The following TTC28 variants were observed in gnomAD, a reference collection of about 807,000 sequenced individuals.
TTC28 encodes tetratricopeptide repeat domain 28.
A neutral mutation model predicts 198.0 loss-of-function variants in TTC28; 61 were observed. The observed-to-expected ratio is 0.31, with a 90% confidence interval of 0.25 to 0.38. The LOEUF (loss-of-function observed/expected upper bound fraction) is 0.38, where lower values mean the gene tolerates loss of function less well. Ranked by LOEUF, TTC28 falls within the 10% of genes least tolerant of loss-of-function variation. TTC28 has a pLI of 1.00. For synonymous variants in TTC28, 1,171 were observed against 1,297.8 expected, an observed-to-expected ratio of 0.90 and a Z score of 2.10; for missense variants, 2,678 against 3,164.0, an observed-to-expected ratio of 0.85 and a Z score of 3.69.
chr22:28,073,411 T>C (rs1941060557), intron 12 of TTC28, among the ~76,000 whole-genome samples: 1 of 152,090 alleles, frequency 6.6e-6, no homozygotes, highest in African/African-American at 2.4e-5. Context: ...TGCCCATAGT[T>C]TTGGAGCAAA....
At chr22:28,208,411 T>C (rs1388310816) in intron 5 of TTC28, among the ~76,000 whole-genome samples, 1 of 152,054 alleles carries the variant, frequency 6.6e-6, no homozygotes, top group Admixed American at 6.6e-5. Context: ...ACAGGGTGGG[T>C]TGGTGAAAAC....
At chr22:28,198,459 T>G (rs1925587675) in intron 5 of TTC28, among the ~76,000 whole-genome samples, 1 of 152,106 alleles carries the variant, frequency 6.6e-6, no homozygotes, top group African/African-American at 2.4e-5. Context: ...TGTTAAATGC[T>G]CACTAATAGC....
intron 5 of TTC28, among the ~76,000 whole-genome samples, chr22:28,178,274 G>C (rs2147098391): frequency 6.9e-6 from 1 of 144,572 alleles, no homozygotes; most frequent in South Asian, 2.3e-4. Context: ...GCCTAACATG[G>C]TGAAACGCCG....
chr22:28,312,281 C>A (rs892823231), intron 2 of TTC28, among the ~76,000 whole-genome samples: 1 of 152,030 alleles, frequency 6.6e-6, no homozygotes, highest in African/African-American at 2.4e-5. Flanking sequence ...CTTTAACACC[C>A]CACTGTCAAT....
intron 6 of TTC28, among the ~76,000 whole-genome samples, chr22:28,157,567 G>C (rs1943776774): frequency 6.6e-6 from 1 of 152,064 alleles, no homozygotes; most frequent in Admixed American, 6.6e-5. Flanking sequence ...CAATATATTA[G>C]AAAGATTATT....
intron 12 of TTC28, among the ~76,000 whole-genome samples, chr22:28,037,348 T>C (rs1432764170): frequency 2.0e-5 from 3 of 152,134 alleles, no homozygotes; most frequent in African/African-American, 4.8e-5. Flanking sequence ...CCCTGGGATG[T>C]AAGGCTGGTT....
At chr22:28,606,867 G>C (rs2050744339) in intron 2 of TTC28, among the ~76,000 whole-genome samples, 1 of 152,114 alleles carries the variant, frequency 6.6e-6, no homozygotes, top group Admixed American at 6.5e-5. Context: ...ATGAAAAGAA[G>C]TGCCCATTGC....
chr22:28,445,271 T>C (rs1568948056), intron 2 of TTC28, among the ~76,000 whole-genome samples: 1 of 152,178 alleles, frequency 6.6e-6, no homozygotes. Flanking sequence ...GACTAAGTCC[T>C]TATGCTGGAG....
At chr22:28,083,275 G>C (rs1941434073) in intron 12 of TTC28, among the ~76,000 whole-genome samples, 1 of 152,038 alleles carries the variant, frequency 6.6e-6, no homozygotes, top group Non-Finnish European at 1.5e-5. Flanking sequence ...AGAGTAGAGA[G>C]ACAGAAATTA....
chr22:28,058,450 G>A (rs1474381002), intron 12 of TTC28, among the ~76,000 whole-genome samples: 6 of 152,016 alleles, frequency 3.9e-5, no homozygotes, highest in Non-Finnish European at 7.4e-5. Context: ...TATACTAACT[G>A]ATTTTTTTTA....
Position 28,014,324 on chromosome 22 carries a change from A to G in TTC28, c.4142T>C (p.Leu1381Pro), listed in dbSNP as rs1441236703. ...GGCAAACGAGCTCTGCCTCCTGGGA[A>G]GAGAGGAGGTCCCGTCCTGGGTCGG... ...VSPTQDGTSS[L>P]PRRQSSFAKP... is the part of the protein sequence containing the mutation. The change falls in exon 14 of 23, where the codon CTT becomes CCT. Residue 1381 changes from leucine to proline, a missense_variant. By Grantham distance (98) the Leu-to-Pro change is moderately conservative (BLOSUM62 -3). This residue lies in a region of TTC28 where 727 missense variants were observed against 861.9 expected (regional missense o/e 0.84). Coordinates refer to ENST00000397906, the MANE Select transcript of TTC28 (RefSeq NM_001145418.2). 1 of 1,551,616 alleles carries G rather than the reference A, an allele frequency of 6.4e-7. No homozygotes were observed. The highest frequency in any genetic ancestry group is 8.7e-7 in the Non-Finnish European group (1 of 1,146,942).
rs553622910 is a variant in TTC28, at chr22:28,180,431, G to A, written c.934-16832C>T. 7.9e-5 allele frequency among the ~76,000 whole-genome samples: 12 copies of A among 152,050 alleles called. No individual in the cohort carries two copies. In the South Asian group the frequency reaches 1.0e-3, roughly 13 times the overall value. On this transcript the variant is annotated intron_variant, in intron 5 of 22. Transcript: ENST00000397906. ...TTTTTCAGATCTCAGTGCTTCCACC[G>A]AGCAGCTACTGTGATTTTATCTTAA...
chr22:28,121,502 T>C (rs1285339798), intron 6 of TTC28, among the ~76,000 whole-genome samples: 2 of 152,258 alleles, frequency 1.3e-5, no homozygotes, highest in Non-Finnish European at 2.9e-5. Context: ...TCTCAAGACC[T>C]AGAGCAGACA....
At chr22:28,295,848 C>A (rs967219355) in intron 5 of TTC28, among the ~76,000 whole-genome samples, 4 of 152,084 alleles carry the variant, frequency 2.6e-5, no homozygotes, top group South Asian at 4.1e-4. Context: ...TCTAAAAAAA[C>A]CAATGTTTGC....
At chr22:28,178,968 G>A (rs1923440922) in intron 5 of TTC28, among the ~76,000 whole-genome samples, 1 of 152,086 alleles carries the variant, frequency 6.6e-6, no homozygotes, top group Non-Finnish European at 1.5e-5. Context: ...CCCACAGATG[G>A]GGAATGGGAA....
rs936827816 is a variant in TTC28, at chr22:28,518,492, T to C, written c.381+111060A>G. 2.6e-5 allele frequency among the ~76,000 whole-genome samples: 4 copies of C among 152,160 alleles called. No homozygotes were observed. In the South Asian group the frequency reaches 8.3e-4, roughly 32 times the overall value. On this transcript the variant is annotated intron_variant, in intron 2 of 22. Transcript: ENST00000397906. ...TCAGCCAGGGATGGTGGCACACACC[T>C]GTAGTCTCAGCTACTCAGGAAGCTG... is the stretch of plus-strand genomic sequence containing the variant.
chr22:28,461,526 T>C (rs2146279150), intron 2 of TTC28, among the ~76,000 whole-genome samples: 1 of 152,236 alleles, frequency 6.6e-6, no homozygotes, highest in African/African-American at 2.4e-5. Context: ...AGCATCTGCC[T>C]CCTGGGTTCA....
At chr22:27,995,141 G>A (rs1937529707) in intron 17 of TTC28, among the ~76,000 whole-genome samples, 2 of 152,172 alleles carry the variant, frequency 1.3e-5, no homozygotes, top group Admixed American at 6.5e-5. Flanking sequence ...GCCCTGTTCA[G>A]GCCCAACCCA....
intron 2 of TTC28, among the ~76,000 whole-genome samples, chr22:28,412,610 G>A (rs2047098943): frequency 6.6e-6 from 1 of 152,144 alleles, no homozygotes; most frequent in Non-Finnish European, 1.5e-5. Flanking sequence ...TTCTGTGCTA[G>A]ATATATGCTT....
Sources: allele counts gnomAD v4.1 joint callset (sites outside exome capture counted in the v4.1 genomes callset), GRCh38; gene constraint gnomAD v4.1.1; regional missense constraint gnomAD v4.1.1; transcripts MANE v1.5; gene names NCBI Gene and HGNC (gene_info 2026-07-23, HGNC 2026-07-21).